NFIB: variants seen among roughly 807,000 people sequenced by gnomAD.
NFIB encodes nuclear factor I B.
A neutral mutation model predicts 61.5 loss-of-function variants in NFIB; 11 were observed. That is an observed-to-expected ratio of 0.18 (90% CI 0.11 to 0.30). The LOEUF (loss-of-function observed/expected upper bound fraction) is 0.30, where lower values mean the gene tolerates loss of function less well. Ranked by LOEUF, NFIB falls within the 10% of genes least tolerant of loss-of-function variation. The probability of loss-of-function intolerance (pLI) is 1.00; values close to 1 mark genes in which losing one functional copy is unlikely to be tolerated. For missense variants in NFIB, 471 were observed against 608.9 expected (o/e 0.77, Z 2.38); for synonymous variants, 260 against 216.5 (o/e 1.20, Z -1.76).
chr9:14,529,114 T>C, the NFIB span, among the ~76,000 whole-genome samples: 1 of 152,178 alleles, frequency 6.6e-6, no homozygotes, highest in Non-Finnish European at 1.5e-5. Context: ...CTTCGTGTAC[T>C]TGTTTATTTT....
chr9:14,493,825 T>C, the NFIB span, among the ~76,000 whole-genome samples: 5 of 152,224 alleles, frequency 3.3e-5, no homozygotes, highest in African/African-American at 1.2e-4. Flanking sequence ...TCCTTGTAGG[T>C]AAAGGTTGTT....
chr9:14,348,597 G>T (rs1487861066), intron 1 of NFIB, among the ~76,000 whole-genome samples: 1 of 152,258 alleles, frequency 6.6e-6, no homozygotes, highest in Non-Finnish European at 1.5e-5. Context: ...CAGCGCCCGG[G>T]TGAAACTACC....
the NFIB span, among the ~76,000 whole-genome samples, chr9:14,441,170 A>T: frequency 1.3e-5 from 2 of 152,108 alleles, no homozygotes; most frequent in African/African-American, 4.8e-5. Flanking sequence ...GAAAACAAAA[A>T]AAAAAATCGG....
upstream of NFIB, among the ~76,000 whole-genome samples, chr9:14,317,716 C>A (rs2060573650): frequency 6.6e-6 from 1 of 152,200 alleles, no homozygotes; most frequent in Non-Finnish European, 1.5e-5. Context: ...AAGGTCATTG[C>A]AGGCCTTCCC....
the NFIB span, among the ~76,000 whole-genome samples, chr9:14,501,896 A>G: frequency 6.6e-6 from 1 of 152,198 alleles, no homozygotes; most frequent in Admixed American, 6.5e-5. Context: ...TAGATGGAAG[A>G]ATTATTACAG....
chr9:14,474,830 C>T, the NFIB span, among the ~76,000 whole-genome samples: 6 of 152,266 alleles, frequency 3.9e-5, no homozygotes, highest in Middle Eastern at 3.4e-3. Flanking sequence ...CAGTGTAAGT[C>T]CCAGTTCAAA....
At chr9:14,446,609 T>C in the NFIB span, among the ~76,000 whole-genome samples, 9 of 152,162 alleles carry the variant, frequency 5.9e-5, no homozygotes, top group Non-Finnish European at 1.0e-4. Context: ...GTGTCATATA[T>C]ATAATAATAT....
intron 2 of NFIB, among the ~76,000 whole-genome samples, chr9:14,250,977 T>C (rs760230938): frequency 6.8e-4 from 103 of 152,372 alleles, no homozygotes; most frequent in Middle Eastern, 3.4e-3. Flanking sequence ...AAATACTAAA[T>C]GCTTGTAGTT....
the NFIB span, among the ~76,000 whole-genome samples, chr9:14,441,095 CA>C: frequency 7.5e-6 from 1 of 132,970 alleles, no homozygotes; most frequent in Non-Finnish European, 1.5e-5. Flanking sequence ...GGACCCTTGA[CA>C]GCTTTCCCTT....
At chr9:14,389,035 G>A (rs2061589030) in intron 1 of NFIB, among the ~76,000 whole-genome samples, 1 of 152,200 alleles carries the variant, frequency 6.6e-6, no homozygotes, top group Non-Finnish European at 1.5e-5. Context: ...CTTCTCCAGT[G>A]ATCATAGTGT....
intron 6 of NFIB, among the ~76,000 whole-genome samples, chr9:14,143,991 A>AGAGT (rs1554647267): frequency 1.5e-5 from 2 of 134,150 alleles, no homozygotes; most frequent in African/African-American, 5.6e-5. Flanking sequence ...AAAGTGACAG[A>AGAGT]GTGTGTGTGT....
At chr9:14,326,643 G>A (rs182938463) in intron 1 of NFIB, among the ~76,000 whole-genome samples, 16 of 139,956 alleles carry the variant, frequency 1.1e-4, no homozygotes, top group African/African-American at 3.7e-4. Context: ...GACAGACTCA[G>A]ACTTATTCCA....
chr9:14,446,817 C>G, the NFIB span, among the ~76,000 whole-genome samples: 3 of 152,126 alleles, frequency 2.0e-5, no homozygotes, highest in Non-Finnish European at 4.4e-5. Flanking sequence ...GCGCATTACT[C>G]AACTTTAATA....
At chr9:14,246,849 C>G (rs1286272979) in intron 2 of NFIB, among the ~76,000 whole-genome samples, 1 of 152,160 alleles carries the variant, frequency 6.6e-6, no homozygotes, top group East Asian at 1.9e-4. Flanking sequence ...CCCAGTGTAA[C>G]TGCATTTGGA....
At chr9:14,227,919 T>C (rs185201667) in intron 2 of NFIB, among the ~76,000 whole-genome samples, 1 of 152,236 alleles carries the variant, frequency 6.6e-6, no homozygotes, top group East Asian at 1.9e-4. Context: ...TATTATGGTG[T>C]TAATTTAAAT....
Position 14,084,474 on chromosome 9 carries a change from A to G in NFIB, c.*3835T>C, listed in dbSNP as rs2032525057. ...CGATAACTATATTGCTATAATTAAG[A>G]TTTTTGCCATGTCTTTATGTACAGT... On this transcript the variant is annotated 3_prime_UTR_variant, in exon 11 of 11. Coordinates refer to ENST00000380953, the MANE Select transcript of NFIB (RefSeq NM_001190737.2). 4.4e-6 allele frequency: 1 copy of G among 225,154 alleles called. No individual in the cohort carries two copies. Among genetic ancestry groups the G allele is most frequent in the Non-Finnish European group, 8.9e-6 (1 of 112,792 alleles). The allele number at this position is 225,154 out of a possible 1,614,324, so 13.9% of individuals were successfully genotyped here.
chr9:14,526,513 T>C, the NFIB span, among the ~76,000 whole-genome samples: 3 of 152,154 alleles, frequency 2.0e-5, no homozygotes, highest in African/African-American at 4.8e-5. Flanking sequence ...GAAAAGAACT[T>C]TTGCACTGAA....
At chr9:14,109,457 T>C (rs510970) in intron 10 of NFIB, among the ~76,000 whole-genome samples, 24,606 of 151,940 alleles carry the variant, frequency 0.16, 2,133 homozygotes, top group South Asian at 0.24. Context: ...TAAAAAGACA[T>C]TTCTCAGCAG....
intron 2 of NFIB, among the ~76,000 whole-genome samples, chr9:14,241,094 C>T (rs1485047984): frequency 6.6e-6 from 1 of 152,208 alleles, no homozygotes; most frequent in East Asian, 1.9e-4. Context: ...AGAATACACT[C>T]AGGCACCGAA....
Sources: allele counts gnomAD v4.1 joint callset (sites outside exome capture counted in the v4.1 genomes callset), GRCh38; gene constraint gnomAD v4.1.1; transcripts MANE v1.5; gene names NCBI Gene and HGNC (gene_info 2026-07-23, HGNC 2026-07-21).